Variants in SLC5A3 observed in about 807,000 individuals in gnomAD.
SLC5A3 encodes the protein sodium/myo-inositol cotransporter.
SLC5A3 carries 10 observed loss-of-function variants against 43.2 expected under a neutral mutation model. That is an observed-to-expected ratio of 0.23 (90% CI 0.14 to 0.39). The LOEUF is 0.39. Ranked by LOEUF, SLC5A3 falls within the 10% of genes least tolerant of loss-of-function variation. The pLI is 1.00. For missense variants in SLC5A3, 608 were observed against 893.4 expected, an observed-to-expected ratio of 0.68 and a Z score of 4.07; for synonymous variants, 349 against 322.0, an observed-to-expected ratio of 1.08 and a Z score of -0.90.
In SLC5A3 at chr21:34,095,687, C is replaced by T. The variant is rs1191189870; in HGVS notation, c.489C>T (p.Ile163=). Residue 163 remains isoleucine (I), a synonymous_variant, in exon 2 of 2, where the codon ATC becomes ATT. Transcript: ENST00000381151. ...SLGWNLYVSV[I]LLIGMTALLT... Reference sequence around the variant, plus strand: ...GTTGGAATCTTTATGTGTCTGTCATCCTGCTCATTGGCATGACTGCTTTGC... The same window carrying T: ...GTTGGAATCTTTATGTGTCTGTCATTCTGCTCATTGGCATGACTGCTTTGC... The T allele has an allele frequency of 6.2e-7, 1 of 1,613,646 alleles. No individual in the cohort carries two copies. Among genetic ancestry groups the T allele is most frequent in the Non-Finnish European group, 8.5e-7 (1 of 1,179,914 alleles).
chr21:34,097,554 A>C lies in SLC5A3; in HGVS notation c.*199A>C. On this transcript the variant is annotated 3_prime_UTR_variant, in exon 2 of 2. Coordinates refer to ENST00000381151, the MANE Select transcript of SLC5A3 (RefSeq NM_006933.7). ...GTAAATCTTCAACTTAAGTGAAGCC[A>C]AACCTAACAGACTGAATTGTGCAAA... The C allele has an allele frequency of 7.4e-7, 1 of 1,359,354 alleles. No individual in the cohort carries two copies. Among genetic ancestry groups the C allele is most frequent in the Non-Finnish European group, 9.5e-7 (1 of 1,051,924 alleles). The allele number at this position is 1,359,354 out of a possible 1,614,324, so 84.2% of individuals were successfully genotyped here. A position where few individuals can be genotyped will look rare whatever the true frequency, so the allele number is the denominator to read the frequency against.
chr21:34,094,025 C>T (rs901256485), intron 1 of SLC5A3, among the ~76,000 whole-genome samples: 1 of 152,328 alleles, frequency 6.6e-6, no homozygotes, highest in East Asian at 1.9e-4. Context: ...CATAAAATCA[C>T]GCCTTTAGTC....
intron 1 of SLC5A3, among the ~76,000 whole-genome samples, chr21:34,076,715 A>G (rs1462327348): frequency 1.3e-5 from 2 of 152,218 alleles, no homozygotes; most frequent in African/African-American, 4.8e-5. Flanking sequence ...CTGAAATATG[A>G]CGGTAAAGTA....
At chr21:34,076,800 C>G (rs1260955679) in intron 1 of SLC5A3, among the ~76,000 whole-genome samples, 1 of 152,084 alleles carries the variant, frequency 6.6e-6, no homozygotes, top group African/African-American at 2.4e-5. Context: ...AGTCTTAGTT[C>G]ATATTTATAG....
chr21:34,090,550 A>G (rs921620018), intron 1 of SLC5A3, among the ~76,000 whole-genome samples: 1 of 152,216 alleles, frequency 6.6e-6, no homozygotes, highest in Non-Finnish European at 1.5e-5. Flanking sequence ...ATCTTTCTAT[A>G]TATAAATAAC....
Position 34,104,702 on chromosome 21 carries a change from G to T in SLC5A3, c.*7347G>T. 1 of 1,000,296 alleles carries T rather than the reference G, an allele frequency of 1.0e-6. No homozygotes were observed. The highest frequency in any genetic ancestry group is 1.2e-6 in the Non-Finnish European group (1 of 829,988). The allele number at this position is 1,000,296 out of a possible 1,614,324, so 62.0% of individuals were successfully genotyped here. A position where few individuals can be genotyped will look rare whatever the true frequency, so the allele number is the denominator to read the frequency against. On this transcript the variant is annotated 3_prime_UTR_variant, in exon 2 of 2. Coordinates refer to ENST00000381151, the MANE Select transcript of SLC5A3 (RefSeq NM_006933.7). ...TATCAAACCTCAGGCCTGGGGGGATGAGGGGAAGAAGATTACCAGAAGTGC... is the reference window on the plus strand; with the variant it reads ...TATCAAACCTCAGGCCTGGGGGGATTAGGGGAAGAAGATTACCAGAAGTGC...
chr21:34,078,263 C>T (rs1471826830), intron 1 of SLC5A3, among the ~76,000 whole-genome samples: 1 of 152,032 alleles, frequency 6.6e-6, no homozygotes, highest in Non-Finnish European at 1.5e-5. Context: ...TAATGGAAGA[C>T]TTGACCCTGT....
At chr21:34,077,668 T>C (rs1989366151) in intron 1 of SLC5A3, among the ~76,000 whole-genome samples, 1 of 152,250 alleles carries the variant, frequency 6.6e-6, no homozygotes, top group East Asian at 1.9e-4. Flanking sequence ...GTAATTTTTA[T>C]GTTTAATACT....
At position 34,073,897 on chromosome 21, in the gene SLC5A3, G is replaced by C. The variant is rs1156543073; in HGVS notation, c.-337+152G>C. The C allele has an allele frequency of 1.2e-4, 27 of 233,048 alleles. No homozygotes were observed. The East Asian group carries it at 4.8e-3, about 41-fold the overall frequency. The allele number at this position is 233,048 out of a possible 1,614,324, so 14.4% of individuals were successfully genotyped here. ...CGGCGGGCGGGCGGCGGGCGTCCGCGGGAAGGGGGCGCGCGTGGGCCGGCC... is the reference window on the plus strand; with the variant it reads ...CGGCGGGCGGGCGGCGGGCGTCCGCCGGAAGGGGGCGCGCGTGGGCCGGCC... On this transcript the variant is annotated intron_variant, in intron 1 of 1. Coordinates refer to ENST00000381151, the MANE Select transcript of SLC5A3 (RefSeq NM_006933.7).
At position 34,095,882 on chromosome 21, in the gene SLC5A3, A is replaced by G; in HGVS notation, c.684A>G (p.Leu228=). ...MLASPDVTSI[L]LTYNLSNTNS... ...CCTCACCCGATGTCACTTCCATCTTATTGACATACAACCTTTCCAACACAA... is the reference window on the plus strand; with the variant it reads ...CCTCACCCGATGTCACTTCCATCTTGTTGACATACAACCTTTCCAACACAA... Residue 228 remains leucine (L), a synonymous_variant, in exon 2 of 2, where the codon TTA becomes TTG. Coordinates refer to ENST00000381151, the MANE Select transcript of SLC5A3 (RefSeq NM_006933.7). The G allele has an allele frequency of 3.7e-6, 6 of 1,614,064 alleles. No homozygotes were observed. Among genetic ancestry groups the G allele is most frequent in the Non-Finnish European group, 5.1e-6 (6 of 1,179,986 alleles).
At chr21:34,088,745 A>T (rs1978527046) in intron 1 of SLC5A3, among the ~76,000 whole-genome samples, 1 of 152,192 alleles carries the variant, frequency 6.6e-6, no homozygotes, top group African/African-American at 2.4e-5. Context: ...TCATGGCTTC[A>T]GTTTTCTCAT....
chr21:34,090,238 C>T (rs1259081614), intron 1 of SLC5A3, among the ~76,000 whole-genome samples: 2 of 152,122 alleles, frequency 1.3e-5, no homozygotes, highest in Non-Finnish European at 2.9e-5. Context: ...ACTGATGAAC[C>T]GCTACAGTAT....
intron 1 of SLC5A3, 110 bp downstream of exon 1, chr21:34,073,855 C>G (rs1989251315): frequency 1.7e-6 from 1 of 596,120 alleles, no homozygotes; most frequent in Non-Finnish European, 2.3e-6. Context: ...TCCTGCACTC[C>G]TCGGAGGAGG....
chr21:34,079,368 G>A (rs1276695785), intron 1 of SLC5A3, among the ~76,000 whole-genome samples: 1 of 152,048 alleles, frequency 6.6e-6, no homozygotes, highest in Non-Finnish European at 1.5e-5. Flanking sequence ...CAATTTTCTA[G>A]GTGCATCATT....
rs182744706 is a variant in SLC5A3 at position 34,102,440 on chromosome 21, G to A, written c.*5085G>A. 174 of 999,990 alleles carry A rather than the reference G, an allele frequency of 1.7e-4. No homozygotes were observed. The highest frequency in any genetic ancestry group is 6.1e-4 in the South Asian group (13 of 21,282). 61.9% of individuals were successfully genotyped at this position (999,990 alleles called of 1,614,324 possible). On this transcript the variant is annotated 3_prime_UTR_variant, in exon 2 of 2. Transcript: ENST00000381151. Reference sequence around the variant, plus strand: ...GATTAGTTTTTTTGTTTTGGGGTAAGCACCTAATTTATCCAGTAACCAACA... The same window carrying A: ...GATTAGTTTTTTTGTTTTGGGGTAAACACCTAATTTATCCAGTAACCAACA...
At position 34,097,260 on chromosome 21, in the gene SLC5A3, C is replaced by G; in HGVS notation, c.2062C>G (p.Leu688Val). 1 of 1,613,958 alleles carries G rather than the reference C, an allele frequency of 6.2e-7. No homozygotes were observed. The highest frequency in any genetic ancestry group is 8.5e-7 in the Non-Finnish European group (1 of 1,179,874). ...AGAGGAGGCTGTTTGTTTACAGATG[C>G]TAGAAGAGACTCGGCAAGTTAAAGT... The part of the protein sequence containing the change: ...MEEEAVCLQM[L>V]EETRQVKVIL... Residue 688 changes from leucine (L) to valine (V), a missense_variant, in exon 2 of 2, where the codon CTA (leucine) becomes GTA (valine). This residue lies in a region of SLC5A3 where 210 missense variants were observed against 224.8 expected (regional missense o/e 0.93). Transcript: ENST00000381151.
In SLC5A3 at chr21:34,103,843, G is replaced by T. The variant is rs562619832; in HGVS notation, c.*6488G>T. ...AAGAATGCCAAAATTATATTTGGGGGTTACTAGCTAAAATGGGGTTTGAGG... is the reference window on the plus strand; with the variant it reads ...AAGAATGCCAAAATTATATTTGGGGTTTACTAGCTAAAATGGGGTTTGAGG... On this transcript the variant is annotated 3_prime_UTR_variant, in exon 2 of 2. Coordinates refer to ENST00000381151, the MANE Select transcript of SLC5A3 (RefSeq NM_006933.7). 31 of 1,000,102 alleles carry T rather than the reference G, an allele frequency of 3.1e-5. No individual in the cohort carries two copies. The African/African-American group carries it at 4.9e-4, about 16-fold the overall frequency. 62.0% of individuals were successfully genotyped at this position (1,000,102 alleles called of 1,614,324 possible).
intron 1 of SLC5A3, 32 bp downstream of exon 1, chr21:34,073,777 C>T (rs200947048): frequency 6.9e-6 from 10 of 1,450,480 alleles, no homozygotes; most frequent in Middle Eastern, 2.3e-4. Context: ...CCGGTCTTCC[C>T]GCGCGGGCGC....
chr21:34,098,096 T>C lies in SLC5A3; in HGVS notation c.*741T>C. On this transcript the variant is annotated 3_prime_UTR_variant, in exon 2 of 2. Transcript: ENST00000381151. ...TCATGATTGTGTTGTTAAATGATTA[T>C]GGGGGAGAAAATGAAGTAAATGTTG... 2.0e-6 allele frequency: 2 copies of C among 999,370 alleles called. No individual in the cohort carries two copies. Among genetic ancestry groups the C allele is most frequent in the Non-Finnish European group, 2.4e-6 (2 of 829,296 alleles). 61.9% of individuals were successfully genotyped at this position (999,370 alleles called of 1,614,324 possible).
Sources: gnomAD v4.1 joint callset for allele counts (sites outside exome capture counted in the v4.1 genomes callset) on GRCh38, gnomAD v4.1.1 for gene constraint, gnomAD v4.1.1 regional missense constraint, MANE v1.5 for transcripts, NCBI Gene and HGNC (gene_info 2026-07-23, HGNC 2026-07-21) for gene names.